The following CD9 variants were observed in gnomAD, a reference collection of about 807,000 sequenced individuals.
CD9 encodes the protein CD9 antigen.
Under a neutral mutation model 31.4 loss-of-function variants are expected in CD9, and 10 were observed. The ratio of observed to expected loss-of-function variants is 0.32; its 90% CI spans 0.20 to 0.54. The LOEUF (loss-of-function observed/expected upper bound fraction) is 0.54, where lower values mean the gene tolerates loss of function less well. CD9 is among the 20% of genes least tolerant of loss of function. The probability of loss-of-function intolerance (pLI) is 0.94; values close to 1 mark genes in which losing one functional copy is unlikely to be tolerated. For synonymous variants in CD9, 113 were observed against 114.1 expected (o/e 0.99, Z 0.06); for missense variants, 259 against 300.1 (o/e 0.86, Z 1.01).
At chr12:6,200,660 TG>T (rs2136593875) in intron 1 of CD9, 95 bp downstream of exon 1, 1 of 795,364 alleles carries the variant, frequency 1.3e-6, no homozygotes, top group Non-Finnish European at 2.1e-6. Context: ...CAGCTGGCAC[TG>T]CCCGCACCGG....
At chr12:6,219,525 G>A (rs143607938) in intron 1 of CD9, among the ~76,000 whole-genome samples, 9 of 150,076 alleles carry the variant, frequency 6.0e-5, no homozygotes, top group South Asian at 2.1e-4. Flanking sequence ...TTGCTCTGTC[G>A]CCCAGGCTGG....
intron 1 of CD9, among the ~76,000 whole-genome samples, chr12:6,222,813 G>T (rs1233587438): frequency 6.6e-6 from 1 of 152,236 alleles, no homozygotes; most frequent in Non-Finnish European, 1.5e-5. Context: ...CGCAGCTCCT[G>T]CTCGTGAGAG....
intron 1 of CD9, among the ~76,000 whole-genome samples, chr12:6,209,911 C>G (rs1946175429): frequency 6.6e-6 from 1 of 152,162 alleles, no homozygotes; most frequent in African/African-American, 2.4e-5. Context: ...TCTCGAACTG[C>G]TGACCTCAGG....
chr12:6,225,120 A>C (rs922254195), intron 1 of CD9: 2 of 330,730 alleles, frequency 6.0e-6, no homozygotes, highest in Non-Finnish European at 1.1e-5. Context: ...TGTGAGATGC[A>C]CTCATGGTGT....
chr12:6,236,334 A>G (rs1744217186), intron 7 of CD9, 59 bp downstream of exon 7: 5 of 1,470,750 alleles, frequency 3.4e-6, no homozygotes, highest in Non-Finnish European at 3.8e-6. Context: ...GATTCAGCCC[A>G]TGCTCTACCC....
chr12:6,221,342 C>T (rs965379140), intron 1 of CD9, among the ~76,000 whole-genome samples: 9 of 152,178 alleles, frequency 5.9e-5, no homozygotes, highest in African/African-American at 2.2e-4. Flanking sequence ...TCTCCTGCAT[C>T]CCCGCATCCC....
intron 7 of CD9, 62 bp from the exon 8 acceptor site, chr12:6,237,701 T>C: frequency 7.7e-7 from 1 of 1,295,270 alleles, no homozygotes; most frequent in Non-Finnish European, 1.1e-6. Flanking sequence ...TGTCTCTCCC[T>C]TTCCCTCAGC....
At chr12:6,225,677 A>G (rs2136625926) in intron 2 of CD9, 143 bp downstream of exon 2, 1 of 601,874 alleles carries the variant, frequency 1.7e-6, no homozygotes, top group East Asian at 2.8e-5. Flanking sequence ...GTCCCTTTCA[A>G]GTTGTGCAGT....
chr12:6,221,097 C>T (rs919895221), intron 1 of CD9, among the ~76,000 whole-genome samples: 1 of 152,174 alleles, frequency 6.6e-6, no homozygotes, highest in Non-Finnish European at 1.5e-5. Flanking sequence ...TGAGGTTTGG[C>T]TCATGTTTTT....
intron 1 of CD9, among the ~76,000 whole-genome samples, chr12:6,222,777 C>G (rs1374687979): frequency 1.3e-5 from 2 of 152,232 alleles, no homozygotes; most frequent in East Asian, 3.8e-4. Flanking sequence ...CTGTCATTAT[C>G]TGAGCGTGGA....
chr12:6,200,429 T>TCCCGCCAGTCCCAGCTGCGCGCG lies in CD9; in HGVS notation c.-67_-45dup. The stretch of plus-strand genomic sequence containing the variant: ...GCCTGCATCTGTATCCAGCGCCAGG[T>TCCCGCCAGTCCCAGCTGCGCGCG]CCCGCCAGTCCCAGCTGCGCGCGCC... On this transcript the variant is annotated 5_prime_UTR_variant, in exon 1 of 8. Transcript: ENST00000009180. 1 of 986,214 alleles carries TCCCGCCAGTCCCAGCTGCGCGCG rather than the reference T, an allele frequency of 1.0e-6. No individual in the cohort carries two copies. Among genetic ancestry groups the TCCCGCCAGTCCCAGCTGCGCGCG allele is most frequent in the South Asian group, 1.3e-5 (1 of 76,336 alleles). The allele number at this position is 986,214 out of a possible 1,614,324, so 61.1% of individuals were successfully genotyped here.
chr12:6,219,273 T>C (rs1946270405), intron 1 of CD9, among the ~76,000 whole-genome samples: 1 of 152,198 alleles, frequency 6.6e-6, no homozygotes, highest in South Asian at 2.1e-4. Flanking sequence ...CCCAAAGTGC[T>C]GGGATTACAG....
intron 1 of CD9, 29 bp from the exon 2 acceptor site, chr12:6,225,396 AT>A: frequency 6.8e-7 from 1 of 1,467,092 alleles, no homozygotes; most frequent in Non-Finnish European, 9.6e-7. Flanking sequence ...GGCAGCCAGA[AT>A]TAATGCTGAT....
At chr12:6,219,514 C>A (rs1946272723) in intron 1 of CD9, among the ~76,000 whole-genome samples, 1 of 151,568 alleles carries the variant, frequency 6.6e-6, no homozygotes, top group African/African-American at 2.4e-5. Flanking sequence ...GAGATGGAGT[C>A]TTGCTCTGTC....
At chr12:6,210,483 T>A (rs1344476501) in intron 1 of CD9, among the ~76,000 whole-genome samples, 1 of 152,102 alleles carries the variant, frequency 6.6e-6, no homozygotes, top group African/African-American at 2.4e-5. Context: ...GAGCACCCAC[T>A]ACCCCCACTG....
intron 1 of CD9, among the ~76,000 whole-genome samples, chr12:6,212,181 C>T (rs997480307): frequency 6.6e-6 from 1 of 152,190 alleles, no homozygotes; most frequent in African/African-American, 2.4e-5. Context: ...ATGTGCTGTG[C>T]ACCGTCAGAG....
intron 1 of CD9, among the ~76,000 whole-genome samples, chr12:6,205,380 G>C (rs955693909): frequency 2.6e-5 from 4 of 152,210 alleles, no homozygotes; most frequent in African/African-American, 9.6e-5. Flanking sequence ...GTGGCCCACA[G>C]CACGATTCCA....
chr12:6,216,344 C>G (rs1946242571), intron 1 of CD9, among the ~76,000 whole-genome samples: 1 of 152,218 alleles, frequency 6.6e-6, no homozygotes, highest in South Asian at 2.1e-4. Context: ...TGGTGTGTTG[C>G]TTACTTCCTG....
At chr12:6,208,629 TGGTGCGATCGCAGCTCAC>T (rs1946158705) in intron 1 of CD9, among the ~76,000 whole-genome samples, 1 of 152,114 alleles carries the variant, frequency 6.6e-6, no homozygotes, top group South Asian at 2.1e-4. Flanking sequence ...TGGAGTGTAA[TGGTGCGATCGCAGCTCAC>T]CGCAACCTCC....
Sources: allele counts gnomAD v4.1 joint callset (sites outside exome capture counted in the v4.1 genomes callset), GRCh38; gene constraint gnomAD v4.1.1; transcripts MANE v1.5; gene names NCBI Gene and HGNC (gene_info 2026-07-23, HGNC 2026-07-21).